The following SFT2D2 variants were observed in gnomAD, a reference collection of about 807,000 sequenced individuals.
The protein encoded by SFT2D2 is vesicle transport protein SFT2B.
SFT2D2 carries 21 observed loss-of-function variants against 27.4 expected under a neutral mutation model. That is an observed-to-expected ratio of 0.77 (90% CI 0.54 to 1.10). The LOEUF is 1.10. Ranked by LOEUF, SFT2D2 falls within the 50% of genes least tolerant of loss-of-function variation. The probability of loss-of-function intolerance (pLI) is 0.00; values close to 1 mark genes in which losing one functional copy is unlikely to be tolerated. For missense variants in SFT2D2, 187 were observed against 194.2 expected, an observed-to-expected ratio of 0.96 and a Z score of 0.22; for synonymous variants, 72 against 71.7, an observed-to-expected ratio of 1.00 and a Z score of -0.02.
intron 4 of SFT2D2, 145 bp downstream of exon 4, chr1:168,235,327 A>G (rs1470001319): frequency 2.3e-5 from 18 of 787,698 alleles, no homozygotes; most frequent in Non-Finnish European, 1.9e-5. Context: ...ATGTGGCAGA[A>G]GGGAACACTC....
At chr1:168,228,002 C>G (rs1201037999) in intron 1 of SFT2D2, among the ~76,000 whole-genome samples, 1 of 152,202 alleles carries the variant, frequency 6.6e-6, no homozygotes, top group Non-Finnish European at 1.5e-5. Context: ...ATGTGTTATG[C>G]TGAGGCATCT....
At chr1:168,231,372 A>G in intron 1 of SFT2D2, 142 bp from the exon 2 acceptor site, 1 of 662,238 alleles carries the variant, frequency 1.5e-6, no homozygotes, top group Non-Finnish European at 2.6e-6. Flanking sequence ...TCTGGATTTG[A>G]TGACTTACAT....
In SFT2D2 at chr1:168,252,800, TTTGAA is replaced by T. The variant is rs1647977830; in HGVS notation, c.*10262_*10266del. 1.3e-5 allele frequency: 2 copies of T among 152,242 alleles called. No individual in the cohort carries two copies. Among genetic ancestry groups the T allele is most frequent in the Non-Finnish European group, 2.9e-5 (2 of 68,044 alleles). The allele number at this position is 152,242 out of a possible 1,614,324, so 9.4% of individuals were successfully genotyped here. A position where few individuals can be genotyped will look rare whatever the true frequency, so the allele number is the denominator to read the frequency against. ...AATTGTATAAATACTCATAACTAAT[TTTGAA>T]TGCTACTGATTGTGTAACTGAATTT... On this transcript the variant is annotated 3_prime_UTR_variant, in exon 8 of 8. Coordinates refer to ENST00000271375, the MANE Select transcript of SFT2D2 (RefSeq NM_199344.3).
In SFT2D2 at chr1:168,249,673, CAT is replaced by C; in HGVS notation, c.*7137_*7138del. On this transcript the variant is annotated 3_prime_UTR_variant, in exon 8 of 8. Coordinates refer to ENST00000271375, the MANE Select transcript of SFT2D2 (RefSeq NM_199344.3). ...CATCTGGCTGTGAGCTGTGACTAGT[CAT>C]ATACTAGTTGTGTCATTTTGAACAG... 6.6e-6 allele frequency: 1 copy of C among 152,668 alleles called. No individual in the cohort carries two copies. The highest frequency in any genetic ancestry group is 1.5e-5 in the Non-Finnish European group (1 of 68,060). 9.5% of individuals were successfully genotyped at this position (152,668 alleles called of 1,614,324 possible). A position where few individuals can be genotyped will look rare whatever the true frequency, so the allele number is the denominator to read the frequency against.
Position 168,252,758 on chromosome 1 carries a change from C to T in SFT2D2, c.*10218C>T, listed in dbSNP as rs948052802. 3.3e-5 allele frequency: 5 copies of T among 152,200 alleles called. No individual in the cohort carries two copies. The highest frequency in any genetic ancestry group is 7.3e-5 in the Non-Finnish European group (5 of 68,034). 9.4% of individuals were successfully genotyped at this position (152,200 alleles called of 1,614,324 possible). ...GAGCTTTTAAAATACGTTGTTAAAA[C>T]ATGAATCCATTTTTGTAATTGTATA... On this transcript the variant is annotated 3_prime_UTR_variant, in exon 8 of 8. Transcript: ENST00000271375.
chr1:168,232,200 GTCC>G (rs758614424), intron 3 of SFT2D2, among the ~76,000 whole-genome samples: 4 of 152,204 alleles, frequency 2.6e-5, no homozygotes, highest in Non-Finnish European at 4.4e-5. Context: ...TTACAACCCA[GTCC>G]TCCTGCTTGC....
chr1:168,231,340 TAAC>T (rs1255862723), intron 1 of SFT2D2, among the ~76,000 whole-genome samples, 171 bp from the exon 2 acceptor site: 1 of 152,220 alleles, frequency 6.6e-6, no homozygotes, highest in East Asian at 1.9e-4. Flanking sequence ...GTCTGCATAA[TAAC>T]TTTACAGCTC....
Position 168,250,695 on chromosome 1 carries a change from T to C in SFT2D2, c.*8155T>C, listed in dbSNP as rs1647932744. ...CTTGTTGGGTATTGGGCGTGCTGTG[T>C]ACTAACTCACTCCCGTCTCTTGTCT... On this transcript the variant is annotated 3_prime_UTR_variant, in exon 8 of 8. Coordinates refer to ENST00000271375, the MANE Select transcript of SFT2D2 (RefSeq NM_199344.3). The C allele has an allele frequency of 6.6e-6, 1 of 152,310 alleles. No individual in the cohort carries two copies. Among genetic ancestry groups the C allele is most frequent in the Admixed American group, 6.5e-5 (1 of 15,278 alleles). The allele number at this position is 152,310 out of a possible 1,614,324, so 9.4% of individuals were successfully genotyped here. A position where few individuals can be genotyped will look rare whatever the true frequency, so the allele number is the denominator to read the frequency against.
intron 6 of SFT2D2, among the ~76,000 whole-genome samples, chr1:168,237,301 G>A (rs1001170684): frequency 3.3e-5 from 5 of 152,234 alleles, no homozygotes; most frequent in Non-Finnish European, 7.3e-5. Flanking sequence ...TAGGATCAGC[G>A]TATGTGCTCA....
chr1:168,227,549 A>G (rs900523610), intron 1 of SFT2D2, among the ~76,000 whole-genome samples: 2 of 152,112 alleles, frequency 1.3e-5, no homozygotes, highest in Non-Finnish European at 2.9e-5. Flanking sequence ...TAACTTTTTG[A>G]TATTTCAAAA....
chr1:168,231,495 T>G lies in SFT2D2; in HGVS notation c.64-19T>G, dbSNP rs11588504. ...TAGTAAATGTGTGTGTATATGTATT[T>G]TTTTTTTTTCAATTTTAGGTTGTTG... On this transcript the variant is annotated intron_variant, in intron 1 of 7. Transcript: ENST00000271375. 1.3e-6 allele frequency: 2 copies of G among 1,573,800 alleles called. No homozygotes were observed.
Position 168,236,714 on chromosome 1 carries a change from G to T in SFT2D2, c.357G>T (p.Trp119Cys). Residue 119 changes from tryptophan to cysteine, a missense_variant and splice_region_variant, in exon 6 of 8, where the codon TGG becomes TGT. Physicochemically the swap from Trp to Cys is radical, Grantham distance 215. Transcript: ENST00000271375. ...TAACCATATTATTATTTTTCCAGTGGCATAACAAGGGACTTGCACTTATCT... is the reference window on the plus strand; with the variant it reads ...TAACCATATTATTATTTTTCCAGTGTCATAACAAGGGACTTGCACTTATCT... ...FALTLCSAFW[W>C]HNKGLALIFC... The T allele has an allele frequency of 6.2e-7, 1 of 1,614,068 alleles. No homozygotes were observed. Among genetic ancestry groups the T allele is most frequent in the Non-Finnish European group, 8.5e-7 (1 of 1,180,012 alleles).
chr1:168,242,374 ATGCTG>A, intron 7 of SFT2D2, 122 bp from the exon 8 acceptor site: 1 of 960,820 alleles, frequency 1.0e-6, no homozygotes, highest in Admixed American at 1.8e-5. Context: ...CTGCAGTTTG[ATGCTG>A]TGAAGGTCTG....
intron 6 of SFT2D2, among the ~76,000 whole-genome samples, chr1:168,238,124 G>A (rs1443683491): frequency 6.6e-6 from 1 of 152,100 alleles, no homozygotes; most frequent in African/African-American, 2.4e-5. Context: ...TGGTTCTTTA[G>A]CATTATGGAG....
At chr1:168,233,677 A>T (rs1219735869) in intron 3 of SFT2D2, among the ~76,000 whole-genome samples, 2 of 152,194 alleles carry the variant, frequency 1.3e-5, no homozygotes, top group Admixed American at 6.5e-5. Flanking sequence ...TGTAAGTTAC[A>T]TTGTATAGTC....
In SFT2D2 at chr1:168,239,163, A is replaced by T. The variant is rs376045742; in HGVS notation, c.443+3A>T. On this transcript the variant is annotated splice_donor_region_variant and intron_variant, in intron 7 of 7. Transcript: ENST00000271375. ...CTTTCCTTCATACCATTTGCAAGGT[A>T]AGACTGTGTATTTGGAAATAATGAT... is the stretch of plus-strand genomic sequence containing the variant. 1 of 1,599,544 alleles carries T rather than the reference A, an allele frequency of 6.3e-7. No homozygotes were observed.
chr1:168,235,081 T>C lies in SFT2D2; in HGVS notation c.237-20T>C. ...GCAGTTCTGTTCTGAACGGCTTGTG[T>C]GCGTGTGTTTGCCTTTTAGTACCAT... On this transcript the variant is annotated intron_variant, in intron 3 of 7. Transcript: ENST00000271375. The C allele has an allele frequency of 6.2e-7, 1 of 1,612,842 alleles. No individual in the cohort carries two copies. The highest frequency in any genetic ancestry group is 8.5e-7 in the Non-Finnish European group (1 of 1,179,056).
intron 3 of SFT2D2, 73 bp from the exon 4 acceptor site, chr1:168,235,028 C>A: frequency 7.7e-7 from 1 of 1,302,032 alleles, no homozygotes; most frequent in Non-Finnish European, 1.1e-6. Context: ...CACAGGAAAT[C>A]TTGGGGAGGC....
chr1:168,237,841 A>ATGTGTG (rs34517084), intron 6 of SFT2D2, among the ~76,000 whole-genome samples: 30 of 148,028 alleles, frequency 2.0e-4, no homozygotes, highest in Non-Finnish European at 3.7e-4. Context: ...GTTTGTGTTT[A>ATGTGTG]TGTGTGTGTG....
Sources: gnomAD v4.1 joint callset for allele counts (sites outside exome capture counted in the v4.1 genomes callset) on GRCh38, gnomAD v4.1.1 for gene constraint, MANE v1.5 for transcripts, NCBI Gene and HGNC (gene_info 2026-07-23, HGNC 2026-07-21) for gene names.